The following STAP1 variants were observed in gnomAD, a reference collection of about 807,000 sequenced individuals.
STAP1 encodes signal transducing adaptor family member 1.
STAP1 carries 30 observed loss-of-function variants against 37.8 expected under a neutral mutation model. That is an observed-to-expected ratio of 0.79 (90% CI 0.59 to 1.08). STAP1 has a LOEUF of 1.08. STAP1 is among the 50% of genes least tolerant of loss of function. The probability of loss-of-function intolerance (pLI) is 0.00; values close to 1 mark genes in which losing one functional copy is unlikely to be tolerated. For synonymous variants in STAP1, 130 were observed against 116.0 expected (o/e 1.12, Z -0.78); for missense variants, 357 against 349.4 (o/e 1.02, Z -0.17).
At chr4:67,570,619 A>G (rs1386235665) in intron 1 of STAP1, among the ~76,000 whole-genome samples, 1 of 151,802 alleles carries the variant, frequency 6.6e-6, no homozygotes, top group Non-Finnish European at 1.5e-5. Context: ...CCATGATTGT[A>G]CCACTACGCT....
At chr4:67,580,788 T>C (rs181157270) in intron 4 of STAP1, among the ~76,000 whole-genome samples, 28 of 152,318 alleles carry the variant, frequency 1.8e-4, no homozygotes, top group African/African-American at 6.3e-4. Context: ...AATTCTAACA[T>C]GTGAATGAAT....
Position 67,581,339 on chromosome 4 carries a change from G to A in STAP1, c.398G>A (p.Gly133Glu), listed in dbSNP as rs202106508. ...CCCCAAAACGTGTCACTCCTACCTG[G>A]GCAAGTAATTAAACTGCATGAAGTC... The part of the protein sequence containing the change: ...SVPQNVSLLP[G>E]QVIKLHEVLE... The change falls in exon 5 of 9, where the codon GGG (glycine) becomes GAG (glutamate). Residue 133 changes from glycine (G) to glutamate (E), a missense_variant. By Grantham distance (98) the Gly-to-Glu change is moderately conservative. Transcript: ENST00000265404. The A allele has an allele frequency of 5.6e-6, 9 of 1,613,436 alleles. No homozygotes were observed. In the African/African-American group the frequency reaches 1.1e-4, roughly 19 times the overall value.
chr4:67,565,300 T>C (rs1248130091), intron 1 of STAP1, among the ~76,000 whole-genome samples: 2 of 152,244 alleles, frequency 1.3e-5, no homozygotes, highest in African/African-American at 2.4e-5. Context: ...TCAAGCCAGA[T>C]TTCTAAATGG....
Position 67,571,159 on chromosome 4 carries a change from AGTAAATAT to A in STAP1, c.192+7_192+14del. The A allele has an allele frequency of 6.3e-7, 1 of 1,583,270 alleles. No individual in the cohort carries two copies. The highest frequency in any genetic ancestry group is 8.7e-7 in the Non-Finnish European group (1 of 1,152,122). ...TACCGACAAAAAGAGTATAATAGTAAGTAAATATGTTGAGCTGATTCCATTGTTTCCCA... is the reference window on the plus strand; with the variant it reads ...TACCGACAAAAAGAGTATAATAGTAAGTTGAGCTGATTCCATTGTTTCCCA... On this transcript the variant is annotated splice_donor_5th_base_variant and intron_variant, in intron 2 of 8. Transcript: ENST00000265404.
chr4:67,607,027 A>G lies in STAP1; in HGVS notation c.*670A>G, dbSNP rs1275102909. On this transcript the variant is annotated 3_prime_UTR_variant, in exon 9 of 9. Transcript: ENST00000265404. ...ATTATAAGTACCTGGAGTTCTTAAAAATATGGAACCATCAGCCCCAGACTG... is the reference window on the plus strand; with the variant it reads ...ATTATAAGTACCTGGAGTTCTTAAAGATATGGAACCATCAGCCCCAGACTG... 6.6e-6 allele frequency: 1 copy of G among 152,220 alleles called. No homozygotes were observed. Among genetic ancestry groups the G allele is most frequent in the Non-Finnish European group, 1.5e-5 (1 of 68,038 alleles). The allele number at this position is 152,220 out of a possible 1,614,324, so 9.4% of individuals were successfully genotyped here.
intron 8 of STAP1, 46 bp from the exon 9 acceptor site, chr4:67,606,250 T>C: frequency 6.5e-7 from 1 of 1,527,888 alleles, no homozygotes; most frequent in Non-Finnish European, 9.0e-7. Context: ...CACCGTTTTC[T>C]ACAATATTGG....
chr4:67,586,633 G>A (rs1727986669), intron 6 of STAP1, among the ~76,000 whole-genome samples: 1 of 152,070 alleles, frequency 6.6e-6, no homozygotes, highest in Non-Finnish European at 1.5e-5. Flanking sequence ...ATGAATTTCT[G>A]TACTTAGTGT....
At chr4:67,595,657 CTTACTA>C (rs1399290880) in intron 8 of STAP1, among the ~76,000 whole-genome samples, 3 of 152,212 alleles carry the variant, frequency 2.0e-5, no homozygotes, top group Admixed American at 1.3e-4. Flanking sequence ...TTTTGCCACA[CTTACTA>C]TTACTATAAC....
chr4:67,574,979 T>C (rs1727686804), intron 2 of STAP1, among the ~76,000 whole-genome samples: 1 of 152,202 alleles, frequency 6.6e-6, no homozygotes, highest in Non-Finnish European at 1.5e-5. Flanking sequence ...TATTATATGG[T>C]ATTTTCACCA....
At chr4:67,559,049 C>A (rs978675745) in intron 1 of STAP1, 120 bp downstream of exon 1, 12 of 1,045,976 alleles carry the variant, frequency 1.1e-5, no homozygotes, top group Admixed American at 6.2e-5. Flanking sequence ...ATCTTCTCTT[C>A]TTTGAGCTCA....
intron 8 of STAP1, among the ~76,000 whole-genome samples, chr4:67,605,347 C>T (rs1288046877): frequency 6.7e-6 from 1 of 149,466 alleles, no homozygotes; most frequent in Admixed American, 6.7e-5. Flanking sequence ...ACTAGGGGCC[C>T]CACCCTCAGG....
intron 8 of STAP1, among the ~76,000 whole-genome samples, chr4:67,600,632 TATA>T (rs1304224979): frequency 1.3e-5 from 2 of 152,214 alleles, no homozygotes; most frequent in Non-Finnish European, 2.9e-5. Flanking sequence ...TCCCTTTAGC[TATA>T]ATAATATTTG....
intron 1 of STAP1, among the ~76,000 whole-genome samples, chr4:67,567,910 A>G (rs1727507098): frequency 6.6e-6 from 1 of 152,228 alleles, no homozygotes; most frequent in South Asian, 2.1e-4. Flanking sequence ...CCAACCATAG[A>G]ATGGTGAGAA....
At chr4:67,605,971 A>G (rs990453791) in intron 8 of STAP1, among the ~76,000 whole-genome samples, 1 of 152,180 alleles carries the variant, frequency 6.6e-6, no homozygotes, top group Non-Finnish European at 1.5e-5. Context: ...CTTACACCAG[A>G]AGACAAGAGC....
At chr4:67,560,780 T>TA (rs577858401) in intron 1 of STAP1, among the ~76,000 whole-genome samples, 2 of 151,928 alleles carry the variant, frequency 1.3e-5, no homozygotes, top group Non-Finnish European at 2.9e-5. Flanking sequence ...GCCTCCTGAG[T>TA]AGCTGGGACT....
At chr4:67,588,138 T>C (rs1436402342) in intron 6 of STAP1, among the ~76,000 whole-genome samples, 2 of 151,968 alleles carry the variant, frequency 1.3e-5, no homozygotes, top group Non-Finnish European at 2.9e-5. Context: ...CTTGTTTTTT[T>C]CATCTCTTTT....
At chr4:67,575,354 A>G (rs1727693681) in intron 2 of STAP1, 31 bp from the exon 3 acceptor site, 1 of 1,442,218 alleles carries the variant, frequency 6.9e-7, no homozygotes, top group Non-Finnish European at 9.5e-7. Context: ...CCCATGAAAT[A>G]ATGTAATGTG....
At chr4:67,598,595 T>C (rs1728273778) in intron 8 of STAP1, among the ~76,000 whole-genome samples, 2 of 152,224 alleles carry the variant, frequency 1.3e-5, no homozygotes, top group South Asian at 2.1e-4. Flanking sequence ...GAAATGTCTA[T>C]TCAGATATTT....
chr4:67,594,492 A>C (rs1401153883), intron 8 of STAP1, among the ~76,000 whole-genome samples: 3 of 152,134 alleles, frequency 2.0e-5, no homozygotes, highest in Non-Finnish European at 4.4e-5. Flanking sequence ...AGAGGGCTTA[A>C]ATTTGATTTT....
Sources: allele counts gnomAD v4.1 joint callset (sites outside exome capture counted in the v4.1 genomes callset), GRCh38; gene constraint gnomAD v4.1.1; transcripts MANE v1.5; gene names NCBI Gene and HGNC (gene_info 2026-07-23, HGNC 2026-07-21).